ARHGAP22: variants seen among roughly 807,000 people sequenced by gnomAD.
ARHGAP22 encodes the protein rho GTPase-activating protein 22.
Under a neutral mutation model 59.1 loss-of-function variants are expected in ARHGAP22, and 48 were observed. The observed-to-expected ratio is 0.81, with a 90% confidence interval of 0.64 to 1.03. The LOEUF is 1.03. Among genes scored for constraint, ARHGAP22 ranks in the 50% least tolerant of loss-of-function variants. The pLI is 0.00. For missense variants in ARHGAP22, 1,015 were observed against 958.7 expected, an observed-to-expected ratio of 1.06 and a Z score of -0.78; for synonymous variants, 445 against 416.4, an observed-to-expected ratio of 1.07 and a Z score of -0.84.
At chr10:48,549,707 A>C (rs1417298529) in intron 3 of ARHGAP22, among the ~76,000 whole-genome samples, 2 of 152,224 alleles carry the variant, frequency 1.3e-5, no homozygotes, top group African/African-American at 4.8e-5. Context: ...AATTATTAGA[A>C]TTAAAACATT....
rs369660025 is a variant in ARHGAP22 at position 48,493,708 on chromosome 10, G to A, written c.323-13944C>T. 6.1e-5 allele frequency: 81 copies of A among 1,317,880 alleles called. 1 individual carries two copies. The highest frequency in any genetic ancestry group is 2.2e-4 in the South Asian group (11 of 49,532). 81.6% of individuals were successfully genotyped at this position (1,317,880 alleles called of 1,614,324 possible). A position where few individuals can be genotyped will look rare whatever the true frequency, so the allele number is the denominator to read the frequency against. ...CCCGAAGGCTGGGACTGTCTGGGGC[G>A]GGGCAAGAAGGACTTGCTGGGATCC... On this transcript the variant is annotated intron_variant, in intron 3 of 9. Coordinates refer to ENST00000249601, the MANE Select transcript of ARHGAP22 (RefSeq NM_021226.4).
Position 48,523,954 on chromosome 10 carries a change from C to G in ARHGAP22, c.322+31509G>C, listed in dbSNP as rs567150950. On this transcript the variant is annotated intron_variant, in intron 3 of 9. Transcript: ENST00000249601. ...GCCCTTTCCAAAGCTGAGGCAGGTG[C>G]GGGCGGCCCTGGACACCCCGTGGCG... 5.2e-5 allele frequency: 55 copies of G among 1,063,628 alleles called. 1 individual carries two copies. In the South Asian group the frequency reaches 1.0e-3, roughly 19 times the overall value. The allele number at this position is 1,063,628 out of a possible 1,614,324, so 65.9% of individuals were successfully genotyped here. A position where few individuals can be genotyped will look rare whatever the true frequency, so the allele number is the denominator to read the frequency against.
At chr10:48,628,031 G>A (rs1441798992) in intron 1 of ARHGAP22, among the ~76,000 whole-genome samples, 2 of 152,188 alleles carry the variant, frequency 1.3e-5, no homozygotes, top group East Asian at 3.9e-4. Context: ...AAGAAAGGAG[G>A]GCAATGGCCA....
chr10:48,494,978 G>A (rs2050769947), intron 3 of ARHGAP22, among the ~76,000 whole-genome samples: 1 of 152,150 alleles, frequency 6.6e-6, no homozygotes, highest in African/African-American at 2.4e-5. Context: ...ATCCTTCCCT[G>A]GGTGAGAGCC....
chr10:48,491,130 T>C (rs1421293949), intron 3 of ARHGAP22, among the ~76,000 whole-genome samples: 1 of 151,852 alleles, frequency 6.6e-6, no homozygotes, highest in Non-Finnish European at 1.5e-5. Context: ...CCCCAACCCC[T>C]GCTCAACATC....
intron 1 of ARHGAP22, among the ~76,000 whole-genome samples, chr10:48,602,342 T>A (rs2060435032): frequency 6.6e-6 from 1 of 152,204 alleles, no homozygotes; most frequent in African/African-American, 2.4e-5. Context: ...TCTGATGATT[T>A]CCTTTAAAAG....
chr10:48,446,410 C>T lies in ARHGAP22; in HGVS notation c.2078G>A (p.Gly693Asp). The change falls in exon 10 of 10, where the codon GGT (glycine) becomes GAT (aspartate). Residue 693 changes from glycine to aspartate, a missense_variant. Coordinates refer to ENST00000249601, the MANE Select transcript of ARHGAP22 (RefSeq NM_021226.4). ...TLGSLTVGAKGARAPK is the reference protein window; with the variant it reads ...TLGSLTVGAKDARAPK The stretch of plus-strand genomic sequence containing the variant: ...TTCCTTTTACTTTGGGGCCCTGGCA[C>T]CTTTTGCCCCAACAGTCAAGCTTCC... 1.2e-6 allele frequency: 2 copies of T among 1,614,186 alleles called. No individual in the cohort carries two copies. Among genetic ancestry groups the T allele is most frequent in the Non-Finnish European group, 8.5e-7 (1 of 1,180,026 alleles).
At chr10:48,537,491 C>T (rs1250785723) in intron 3 of ARHGAP22, among the ~76,000 whole-genome samples, 6 of 152,220 alleles carry the variant, frequency 3.9e-5, no homozygotes, top group African/African-American at 1.4e-4. Context: ...CTCCAGGATG[C>T]TGGAATTCTC....
chr10:48,650,560 G>A (rs2062519707), intron 1 of ARHGAP22, among the ~76,000 whole-genome samples: 4 of 152,200 alleles, frequency 2.6e-5, no homozygotes, highest in Admixed American at 2.6e-4. Flanking sequence ...TTAAATTCAT[G>A]TTATATACAT....
At position 48,623,161 on chromosome 10, in the gene ARHGAP22, C is replaced by T. The variant is rs530598125; in HGVS notation, c.52+29073G>A. Among the ~76,000 whole-genome samples, 9 of 152,320 alleles carry T rather than the reference C, an allele frequency of 5.9e-5. No individual in the cohort carries two copies. The South Asian group carries it at 1.7e-3, about 28-fold the overall frequency. On this transcript the variant is annotated intron_variant, in intron 1 of 9. Coordinates refer to the ARHGAP22 transcript ENST00000435790. The stretch of plus-strand genomic sequence containing the variant: ...CTGGAGACAGTCCTATCTTGTTCTC[C>T]AGTGAGGAGCTTGGCATTATCCTCC...
upstream of ARHGAP22, among the ~76,000 whole-genome samples, chr10:48,655,051 T>TCC (rs1565069902): frequency 1.4e-4 from 9 of 63,130 alleles, 1 homozygote; most frequent in African/African-American, 5.3e-4. Flanking sequence ...TCTTTCTTTC[T>TCC]TTCTCCTTCC....
At chr10:48,442,100 G>A (rs2045216542), downstream of ARHGAP22, among the ~76,000 whole-genome samples, 1 of 152,204 alleles carries the variant, frequency 6.6e-6, no homozygotes, top group African/African-American at 2.4e-5. Flanking sequence ...AGTGTGACAT[G>A]AGTACACTGC....
At chr10:48,607,855 T>A (rs2060735234), upstream of ARHGAP22, among the ~76,000 whole-genome samples, 1 of 152,230 alleles carries the variant, frequency 6.6e-6, no homozygotes, top group African/African-American at 2.4e-5. Flanking sequence ...GGACAGAAGC[T>A]GAGCACTGAA....
At chr10:48,571,102 G>T (rs979353228) in intron 2 of ARHGAP22, among the ~76,000 whole-genome samples, 1 of 152,122 alleles carries the variant, frequency 6.6e-6, no homozygotes, top group Non-Finnish European at 1.5e-5. Context: ...GAGTTGAGAG[G>T]GCTCTTGGAG....
chr10:48,638,988 C>A (rs1315568706), intron 1 of ARHGAP22, among the ~76,000 whole-genome samples: 1 of 152,154 alleles, frequency 6.6e-6, no homozygotes, highest in Non-Finnish European at 1.5e-5. Context: ...TGGAAATTGA[C>A]CAAAGACATG....
At chr10:48,570,867 C>T (rs1177326140) in intron 2 of ARHGAP22, among the ~76,000 whole-genome samples, 2 of 152,212 alleles carry the variant, frequency 1.3e-5, no homozygotes, top group Non-Finnish European at 2.9e-5. Context: ...GTTCCAAACG[C>T]TCTGCACGAA....
chr10:48,584,430 G>C (rs4838427), intron 1 of ARHGAP22, among the ~76,000 whole-genome samples: 135,779 of 152,238 alleles, frequency 0.89, 60,896 homozygotes, highest in East Asian at 0.99. Flanking sequence ...CTCCATGGAG[G>C]CTTCCTTCTG....
At chr10:48,483,246 T>A (rs1381102693) in intron 3 of ARHGAP22, among the ~76,000 whole-genome samples, 1 of 152,186 alleles carries the variant, frequency 6.6e-6, no homozygotes, top group African/African-American at 2.4e-5. Context: ...TTGGGGTACA[T>A]TAACGTATTT....
chr10:48,553,593 C>G (rs914171206), intron 3 of ARHGAP22, among the ~76,000 whole-genome samples: 4 of 152,184 alleles, frequency 2.6e-5, no homozygotes, highest in African/African-American at 9.7e-5. Context: ...GGTCTGACGA[C>G]ATTCCCTATC....
Sources: gnomAD v4.1 joint callset for allele counts (sites outside exome capture counted in the v4.1 genomes callset) on GRCh38, gnomAD v4.1.1 for gene constraint, MANE v1.5 for transcripts, NCBI Gene and HGNC (gene_info 2026-07-23, HGNC 2026-07-21) for gene names.